The following MLLT10 variants were observed in gnomAD, a reference collection of about 807,000 sequenced individuals.
MLLT10 encodes the protein protein AF-10.
In MLLT10, 30 loss-of-function variants were observed where a neutral mutation model predicts 129.1. The ratio of observed to expected loss-of-function variants is 0.23; its 90% CI spans 0.17 to 0.32. The LOEUF (loss-of-function observed/expected upper bound fraction) is 0.32. Among genes scored for constraint, MLLT10 ranks in the 10% least tolerant of loss-of-function variants. The pLI, the probability that MLLT10 is intolerant of heterozygous loss-of-function variation, is 1.00. For missense variants in MLLT10, 1,119 were observed against 1,268.3 expected, an observed-to-expected ratio of 0.88 and a Z score of 1.79; for synonymous variants, 490 against 446.4, an observed-to-expected ratio of 1.10 and a Z score of -1.23.
chr10:21,608,643 T>C lies in MLLT10; in HGVS notation c.406-3705T>C, dbSNP rs963149010. ...CTCTTCTTCTGGTTATTGATACATA[T>C]GTAAATTTAATGGTGTCCCACATTT... On this transcript the variant is annotated intron_variant, in intron 5 of 22. Coordinates refer to ENST00000307729, the MANE Select transcript of MLLT10 (RefSeq NM_001195626.3). Among the ~76,000 whole-genome samples, 17 of 152,294 alleles carry C rather than the reference T, an allele frequency of 1.1e-4. No individual in the cohort carries two copies. The East Asian group carries it at 1.9e-3, about 17-fold the overall frequency.
In MLLT10 at chr10:21,622,033, A is replaced by G. The variant is rs1680679829; in HGVS notation, c.699+4826A>G. Reference sequence around the variant, plus strand: ...TTTCAGAGAAGCTCTGTGTGATTCAAGCTGTATTAGCACTGGTTAGGTACT... The same window carrying G: ...TTTCAGAGAAGCTCTGTGTGATTCAGGCTGTATTAGCACTGGTTAGGTACT... On this transcript the variant is annotated intron_variant, in intron 8 of 22. Coordinates refer to ENST00000307729, the MANE Select transcript of MLLT10 (RefSeq NM_001195626.3). 3.3e-5 allele frequency among the ~76,000 whole-genome samples: 5 copies of G among 152,278 alleles called. No individual in the cohort carries two copies. In the South Asian group the frequency reaches 1.0e-3, roughly 32 times the overall value.
intron 3 of MLLT10, among the ~76,000 whole-genome samples, chr10:21,552,387 GC>G (rs1269353222): frequency 4.7e-5 from 6 of 126,990 alleles, no homozygotes; most frequent in African/African-American, 1.9e-4. Context: ...TCTTCTTATT[GC>G]TTTTTTTTTT....
intron 17 of MLLT10, among the ~76,000 whole-genome samples, chr10:21,732,341 G>A (rs532132823): frequency 6.6e-6 from 1 of 152,286 alleles, no homozygotes; most frequent in African/African-American, 2.4e-5. Context: ...CTGGAGAGGT[G>A]GCTGGGCGCA....
rs182944924 is a variant in MLLT10, at chr10:21,582,981, C to T, written c.241-3313C>T. 6.6e-5 allele frequency among the ~76,000 whole-genome samples: 10 copies of T among 152,156 alleles called. No homozygotes were observed. In the East Asian group the frequency reaches 1.9e-3, roughly 29 times the overall value. ...GCCAGGAGTTTGAGACCAACCTGGG[C>T]AACATGACGAAACCCTATTTCTACT... On this transcript the variant is annotated intron_variant, in intron 3 of 22. Transcript: ENST00000307729.
At position 21,742,073 on chromosome 10, in the gene MLLT10, AACGCAACAAGAAACTC is replaced by A. The variant is rs1258270295; in HGVS notation, c.*92_*107del. ...AGTCCTTTTACTACAGCTATGAAGAAACGCAACAAGAAACTCAATGCACAACAAAGGATTAATTGCT... is the reference window on the plus strand; with the variant it reads ...AGTCCTTTTACTACAGCTATGAAGAAAATGCACAACAAAGGATTAATTGCT... On this transcript the variant is annotated 3_prime_UTR_variant, in exon 23 of 23. Coordinates refer to ENST00000307729, the MANE Select transcript of MLLT10 (RefSeq NM_001195626.3). The A allele has an allele frequency of 1.3e-5, 15 of 1,174,590 alleles. No homozygotes were observed. The South Asian group carries it at 1.8e-4, about 14-fold the overall frequency. 72.8% of individuals were successfully genotyped at this position (1,174,590 alleles called of 1,614,324 possible). A position where few individuals can be genotyped will look rare whatever the true frequency, so the allele number is the denominator to read the frequency against.
chr10:21,609,878 C>T (rs1488497200), intron 5 of MLLT10, among the ~76,000 whole-genome samples: 1 of 152,018 alleles, frequency 6.6e-6, no homozygotes, highest in Non-Finnish European at 1.5e-5. Flanking sequence ...GATGTTTTCT[C>T]TCTCACACAC....
chr10:21,709,473 C>G (rs1408777025), intron 13 of MLLT10, among the ~76,000 whole-genome samples: 4 of 152,180 alleles, frequency 2.6e-5, no homozygotes, highest in Non-Finnish European at 5.9e-5. Flanking sequence ...TCAGGTGATC[C>G]ACCTGCCTCG....
intron 5 of MLLT10, among the ~76,000 whole-genome samples, chr10:21,605,086 TAAA>T (rs55928488): frequency 1.4e-5 from 2 of 138,848 alleles, no homozygotes; most frequent in Non-Finnish European, 1.6e-5. Context: ...CCCATCTCTT[TAAA>T]AAAAAAAAAA....
intron 10 of MLLT10, among the ~76,000 whole-genome samples, chr10:21,672,619 C>A (rs964836224): frequency 6.6e-6 from 1 of 152,014 alleles, no homozygotes; most frequent in African/African-American, 2.4e-5. Context: ...TTTCTTATAT[C>A]TTAGAATGGT....
At chr10:21,607,282 A>G (rs2044152100) in intron 5 of MLLT10, among the ~76,000 whole-genome samples, 1 of 150,350 alleles carries the variant, frequency 6.7e-6, no homozygotes, top group African/African-American at 2.5e-5. Context: ...AAACTCAACA[A>G]TATGTTGTTA....
intron 5 of MLLT10, among the ~76,000 whole-genome samples, chr10:21,605,820 A>G (rs2044005095): frequency 6.6e-6 from 1 of 152,070 alleles, no homozygotes; most frequent in South Asian, 2.1e-4. Context: ...AACTTGCTAG[A>G]CTGTACTTAA....
At chr10:21,708,948 T>C (rs768036545) in intron 13 of MLLT10, among the ~76,000 whole-genome samples, 1 of 152,226 alleles carries the variant, frequency 6.6e-6, no homozygotes, top group Admixed American at 6.5e-5. Flanking sequence ...CTTTTTTATA[T>C]GGATATTCTC....
At chr10:21,695,317 A>ATGTG (rs1589686019) in intron 13 of MLLT10, among the ~76,000 whole-genome samples, 1 of 152,086 alleles carries the variant, frequency 6.6e-6, no homozygotes, top group African/African-American at 2.4e-5. Flanking sequence ...TCAAAGGCTC[A>ATGTG]TGTGATTACA....
intron 11 of MLLT10, among the ~76,000 whole-genome samples, chr10:21,677,002 A>G (rs897081806): frequency 6.6e-6 from 1 of 152,210 alleles, no homozygotes; most frequent in Non-Finnish European, 1.5e-5. Context: ...TGTGCCACAC[A>G]CTGTGTTAAG....
At chr10:21,594,602 T>A (rs2042855643) in intron 4 of MLLT10, among the ~76,000 whole-genome samples, 1 of 145,464 alleles carries the variant, frequency 6.9e-6, no homozygotes, top group Non-Finnish European at 1.5e-5. Context: ...ACCACCGCTT[T>A]CTCTGAAATA....
intron 3 of MLLT10, among the ~76,000 whole-genome samples, chr10:21,577,236 C>G (rs1352027304): frequency 1.3e-5 from 2 of 152,126 alleles, no homozygotes; most frequent in Non-Finnish European, 2.9e-5. Context: ...TGTTGCATGG[C>G]TATACTACAT....
intron 6 of MLLT10, among the ~76,000 whole-genome samples, chr10:21,613,140 A>C (rs2044825815): frequency 6.8e-6 from 1 of 146,732 alleles, no homozygotes; most frequent in South Asian, 2.2e-4. Context: ...TTTGCAGTGA[A>C]CCGAGATTGC....
chr10:21,633,924 A>T (rs1480610895), intron 8 of MLLT10, among the ~76,000 whole-genome samples: 1 of 152,232 alleles, frequency 6.6e-6, no homozygotes, highest in African/African-American at 2.4e-5. Context: ...ATTGATGTAG[A>T]AGTCAAGTAT....
In MLLT10 at chr10:21,740,053, T is replaced by C; in HGVS notation, c.2979T>C (p.Tyr993=). 1.2e-6 allele frequency: 2 copies of C among 1,611,228 alleles called. No individual in the cohort carries two copies. Among genetic ancestry groups the C allele is most frequent in the Non-Finnish European group, 1.7e-6 (2 of 1,178,478 alleles). ...AGGAACAACATCAAGCCTTTTTGTA[T>C]CAGTTAATGCAACATCACCACCAGC... ...LTPEQHQAFL[Y]QLMQHHHQQH... The change falls in exon 22 of 23, where the codon TAT becomes TAC. Residue 993 remains tyrosine (Y), a synonymous_variant. Transcript: ENST00000307729.
Sources: allele counts gnomAD v4.1 joint callset (sites outside exome capture counted in the v4.1 genomes callset), GRCh38; gene constraint gnomAD v4.1.1; transcripts MANE v1.5; gene names NCBI Gene and HGNC (gene_info 2026-07-23, HGNC 2026-07-21).